The following MATN2 variants were observed in gnomAD, a reference collection of about 807,000 sequenced individuals.
The protein encoded by MATN2 is matrilin 2.
In MATN2, 69 loss-of-function variants were observed where a neutral mutation model predicts 103.2. That is an observed-to-expected ratio of 0.67 (90% CI 0.55 to 0.82). MATN2 has a LOEUF of 0.82. Among genes scored for constraint, MATN2 ranks in the 40% least tolerant of loss-of-function variants. The pLI, the probability that MATN2 is intolerant of heterozygous loss-of-function variation, is 0.00. For missense variants in MATN2, 1,023 were observed against 1,211.5 expected (o/e 0.84, Z 2.31); for synonymous variants, 429 against 450.2 (o/e 0.95, Z 0.60).
chr8:97,900,240 T>C (rs1330732138), intron 2 of MATN2, among the ~76,000 whole-genome samples: 3 of 152,066 alleles, frequency 2.0e-5, no homozygotes, highest in East Asian at 1.9e-4. Flanking sequence ...GAGGAAGTTA[T>C]TATAAGCCTA....
rs1813030854 is a variant in MATN2, at chr8:98,007,964, C to A, written c.1573+363C>A. Among the ~76,000 whole-genome samples the A allele has an allele frequency of 6.6e-6, 1 of 152,176 alleles. No individual in the cohort carries two copies. Among genetic ancestry groups the A allele is most frequent in the Non-Finnish European group, 1.5e-5 (1 of 68,032 alleles). On this transcript the variant is annotated intron_variant, in intron 10 of 18. Transcript: ENST00000254898. This position sits in a 1 kb window ranked among gnomAD's most constrained non-coding sequence, Gnocchi z 4.2. Reference sequence around the variant, plus strand: ...TGCTAGCTGCATGCTGGGCACTGTGCTAAGCACACATGCTGTTGCATTCAG... The same window carrying A: ...TGCTAGCTGCATGCTGGGCACTGTGATAAGCACACATGCTGTTGCATTCAG...
At chr8:97,928,732 A>T (rs1483266441) in intron 2 of MATN2, among the ~76,000 whole-genome samples, 2 of 152,194 alleles carry the variant, frequency 1.3e-5, no homozygotes, top group Admixed American at 1.3e-4. Context: ...CTGTACATGC[A>T]GCCAGCACAC....
At chr8:98,034,053 T>C in intron 18 of MATN2, 1 of 413,820 alleles carries the variant, frequency 2.4e-6, no homozygotes, top group South Asian at 1.7e-5. Flanking sequence ...AATGAAGAGG[T>C]TTCAAACTCA....
At chr8:97,956,106 C>T (rs575552165) in intron 4 of MATN2, among the ~76,000 whole-genome samples, 10 of 152,258 alleles carry the variant, frequency 6.6e-5, no homozygotes, top group East Asian at 1.9e-4. Context: ...GTTACGCCTC[C>T]GTGACTGCTC....
intron 4 of MATN2, among the ~76,000 whole-genome samples, chr8:97,959,999 G>T (rs1420948634): frequency 6.6e-6 from 1 of 152,140 alleles, no homozygotes; most frequent in Non-Finnish European, 1.5e-5. Flanking sequence ...GCCCAGGCTG[G>T]AGTGCAATGG....
intron 10 of MATN2, among the ~76,000 whole-genome samples, chr8:98,010,111 C>G (rs1586153426): frequency 2.0e-5 from 3 of 152,178 alleles, no homozygotes; most frequent in Non-Finnish European, 4.4e-5. Context: ...CTTCTTTAGC[C>G]TCACCCCAGG....
At chr8:97,985,243 C>T (rs965158904) in intron 6 of MATN2, among the ~76,000 whole-genome samples, 1 of 152,126 alleles carries the variant, frequency 6.6e-6, no homozygotes, top group Non-Finnish European at 1.5e-5. Flanking sequence ...AAGGATGAGG[C>T]GGTGCTCTTT....
At chr8:97,945,324 C>T (rs1163645866) in intron 4 of MATN2, among the ~76,000 whole-genome samples, 1 of 152,128 alleles carries the variant, frequency 6.6e-6, no homozygotes, top group African/African-American at 2.4e-5. Flanking sequence ...TCTCATTTTA[C>T]AGATAAGCAA....
chr8:97,979,417 A>G (rs765052785), intron 6 of MATN2, among the ~76,000 whole-genome samples: 14 of 152,256 alleles, frequency 9.2e-5, no homozygotes, highest in African/African-American at 3.4e-4. Context: ...AAAAAGAATC[A>G]TAAGTGATTT....
At chr8:97,985,416 C>T (rs1447661267) in intron 6 of MATN2, among the ~76,000 whole-genome samples, 1 of 152,162 alleles carries the variant, frequency 6.6e-6, no homozygotes, top group African/African-American at 2.4e-5. Context: ...TTTATGGGAT[C>T]AAACATCCAA....
chr8:97,869,444 G>T (rs1430397197), intron 1 of MATN2, among the ~76,000 whole-genome samples, 157 bp downstream of exon 1: 2 of 127,020 alleles, frequency 1.6e-5, no homozygotes, highest in Non-Finnish European at 3.8e-5. Context: ...GGGCCCCGGC[G>T]CCTTCGACCC....
At chr8:98,004,038 C>T (rs1812875070) in intron 8 of MATN2, 1 of 384,930 alleles carries the variant, frequency 2.6e-6, no homozygotes, top group African/African-American at 2.1e-5. Context: ...CCTGTAATCC[C>T]AGCACAGGGA....
intron 1 of MATN2, among the ~76,000 whole-genome samples, chr8:97,879,353 G>A (rs961115651): frequency 2.0e-5 from 3 of 152,180 alleles, no homozygotes; most frequent in African/African-American, 7.2e-5. Flanking sequence ...GTGGATGTGG[G>A]GGCCACCATG....
In MATN2 at chr8:97,918,764, C is replaced by T. The variant is rs903023638; in HGVS notation, c.143-12189C>T. On this transcript the variant is annotated intron_variant, in intron 2 of 18. Transcript: ENST00000254898. ...GGTAACAGGGCTCTTCACTCTTGGC[C>T]ACCTACTGGGAGCAGTGGGTAAAAA... 6.6e-5 allele frequency among the ~76,000 whole-genome samples: 10 copies of T among 152,072 alleles called. No individual in the cohort carries two copies. In the South Asian group the frequency reaches 8.3e-4, roughly 13 times the overall value.
intron 6 of MATN2, among the ~76,000 whole-genome samples, chr8:97,990,669 A>T (rs568426069): frequency 6.6e-6 from 1 of 152,376 alleles, no homozygotes; most frequent in South Asian, 2.1e-4. Context: ...CACACATATG[A>T]ATCTGGATGA....
chr8:98,016,786 T>C, intron 11 of MATN2, 124 bp downstream of exon 11: 1 of 1,146,088 alleles, frequency 8.7e-7, no homozygotes, highest in South Asian at 1.4e-5. Context: ...TGTAATGTAG[T>C]GTCCTGGATA....
At chr8:98,030,794 C>A (rs183206767) in intron 15 of MATN2, among the ~76,000 whole-genome samples, 180 bp downstream of exon 15, 115 of 152,194 alleles carry the variant, frequency 7.6e-4, no homozygotes, top group Non-Finnish European at 1.2e-3. Flanking sequence ...TCCCGAGAAG[C>A]TGGGATTACA....
chr8:97,954,761 G>A (rs567454176), intron 4 of MATN2, among the ~76,000 whole-genome samples: 3 of 152,260 alleles, frequency 2.0e-5, no homozygotes, highest in Non-Finnish European at 4.4e-5. Flanking sequence ...CATGGCAGAT[G>A]CTAGATATTT....
At chr8:97,970,195 T>C (rs1447548375) in intron 5 of MATN2, among the ~76,000 whole-genome samples, 1 of 152,202 alleles carries the variant, frequency 6.6e-6, no homozygotes, top group African/African-American at 2.4e-5. Flanking sequence ...GGGAGGTTTA[T>C]GCAGAAATTT....
Sources: allele counts gnomAD v4.1 joint callset (sites outside exome capture counted in the v4.1 genomes callset), GRCh38; gene constraint gnomAD v4.1.1; non-coding constraint Gnocchi (gnomAD v3.1); transcripts MANE v1.5; gene names NCBI Gene and HGNC (gene_info 2026-07-23, HGNC 2026-07-21).